IL1R2: variants seen among roughly 807,000 people sequenced by gnomAD.
The protein encoded by IL1R2 is interleukin 1 receptor type 2.
In IL1R2, 46 loss-of-function variants were observed where a neutral mutation model predicts 39.5. That is an observed-to-expected ratio of 1.16 (90% CI 0.92 to 1.49). The LOEUF (loss-of-function observed/expected upper bound fraction) is 1.49. Ranked by LOEUF, IL1R2 falls within the 40% of genes most tolerant of loss-of-function variation. The pLI, the probability that IL1R2 is intolerant of heterozygous loss-of-function variation, is 0.00. For synonymous variants in IL1R2, 207 were observed against 189.6 expected, an observed-to-expected ratio of 1.09 and a Z score of -0.75; for missense variants, 537 against 502.0, an observed-to-expected ratio of 1.07 and a Z score of -0.67.
intron 1 of IL1R2, among the ~76,000 whole-genome samples, chr2:102,008,064 T>A (rs1239346742): frequency 6.6e-6 from 1 of 152,162 alleles, no homozygotes; most frequent in South Asian, 2.1e-4. Context: ...TGATGATGAA[T>A]GCCACAGAGA....
chr2:101,997,084 G>C (rs13022757), intron 1 of IL1R2, among the ~76,000 whole-genome samples: 86,753 of 151,998 alleles, frequency 0.57, 25,213 homozygotes, highest in East Asian at 0.78. Context: ...CCCAGGGAGT[G>C]GTGGGCAGCT....
intron 1 of IL1R2, among the ~76,000 whole-genome samples, chr2:102,003,816 T>C (rs193049020): frequency 1.5e-4 from 6 of 40,544 alleles, no homozygotes; most frequent in East Asian, 6.8e-4. Context: ...CTGTGCTGTG[T>C]CTGTGTCTGT....
intron 1 of IL1R2, among the ~76,000 whole-genome samples, chr2:102,003,553 G>T (rs372368561): frequency 2.1e-4 from 19 of 89,644 alleles, no homozygotes; most frequent in South Asian, 1.0e-3. Context: ...TGTGGCTGTG[G>T]CTGTGTCTGT....
At chr2:102,003,700 A>G (rs1676066980) in intron 1 of IL1R2, among the ~76,000 whole-genome samples, 1 of 135,474 alleles carries the variant, frequency 7.4e-6, no homozygotes, top group African/African-American at 2.8e-5. Context: ...GTCTAGGCCT[A>G]TGTCTATGTC....
Position 102,020,792 on chromosome 2 carries a change from C to G in IL1R2, c.688+980C>G, listed in dbSNP as rs200381224. 2.6e-5 allele frequency among the ~76,000 whole-genome samples: 4 copies of G among 152,290 alleles called. No homozygotes were observed. In the East Asian group the frequency reaches 7.7e-4, roughly 29 times the overall value. ...GTCTCTGCGATACTGTGCATGAACA[C>G]TAGGGGGCAGCCGCCCTACATGCCT... On this transcript the variant is annotated intron_variant, in intron 5 of 8. Coordinates refer to ENST00000332549, the MANE Select transcript of IL1R2 (RefSeq NM_004633.4).
intron 3 of IL1R2, among the ~76,000 whole-genome samples, chr2:102,013,524 C>CAAAAAAAAAA (rs771727938): frequency 1.1e-3 from 6 of 5,692 alleles, no homozygotes; most frequent in African/African-American, 1.3e-3. Context: ...TCTATCACTG[C>CAAAAAAAAAA]AAAAAAAAAA....
intron 5 of IL1R2, among the ~76,000 whole-genome samples, chr2:102,021,742 T>C (rs1317361016): frequency 1.3e-5 from 2 of 152,238 alleles, no homozygotes; most frequent in East Asian, 3.8e-4. Context: ...CAAATAGGTG[T>C]TTCTTGAGCC....
At chr2:102,017,735 C>T (rs931712049) in intron 4 of IL1R2, among the ~76,000 whole-genome samples, 3 of 149,532 alleles carry the variant, frequency 2.0e-5, no homozygotes, top group Non-Finnish European at 3.0e-5. Context: ...TTAAGTTTCA[C>T]TGGACACAGC....
intron 4 of IL1R2, among the ~76,000 whole-genome samples, chr2:102,017,398 GAAAAAA>G (rs56358561): frequency 8.8e-6 from 1 of 113,366 alleles, no homozygotes; most frequent in East Asian, 2.5e-4. Flanking sequence ...CTCCATCTCA[GAAAAAA>G]AAAAAAAAAA....
intron 5 of IL1R2, among the ~76,000 whole-genome samples, chr2:102,020,847 G>A (rs1677337256): frequency 6.6e-6 from 1 of 152,214 alleles, no homozygotes; most frequent in Non-Finnish European, 1.5e-5. Context: ...CAGGATCTCA[G>A]TGGCTCTCAA....
At chr2:102,021,812 TGGA>T (rs2150457242) in intron 5 of IL1R2, among the ~76,000 whole-genome samples, 1 of 152,170 alleles carries the variant, frequency 6.6e-6, no homozygotes, top group African/African-American at 2.4e-5. Flanking sequence ...TTTGGAGAGG[TGGA>T]GAAGGTATTT....
At chr2:102,001,025 C>T (rs886758984) in intron 1 of IL1R2, among the ~76,000 whole-genome samples, 3 of 152,118 alleles carry the variant, frequency 2.0e-5, no homozygotes, top group Admixed American at 6.5e-5. Flanking sequence ...CTGTTCCAGG[C>T]TAGAGGAGTG....
intron 1 of IL1R2, among the ~76,000 whole-genome samples, chr2:101,997,477 G>A (rs1023061304): frequency 6.6e-6 from 1 of 152,208 alleles, no homozygotes; most frequent in East Asian, 1.9e-4. Flanking sequence ...GGAGAGCTCA[G>A]GGCCTTGGGG....
At chr2:102,021,942 C>A in intron 5 of IL1R2, 1 of 493,432 alleles carries the variant, frequency 2.0e-6, no homozygotes, top group Non-Finnish European at 3.7e-6. Context: ...GACTGAAGAC[C>A]TCCTGTCAGC....
At chr2:101,992,504 GAGAC>G (rs1237311532) in intron 1 of IL1R2, among the ~76,000 whole-genome samples, 5 of 151,522 alleles carry the variant, frequency 3.3e-5, no homozygotes, top group African/African-American at 9.7e-5. Flanking sequence ...GAGATGGAGA[GAGAC>G]AGAGAGAGGC....
chr2:102,011,980 G>T lies in IL1R2; in HGVS notation c.332+2154G>T, dbSNP rs3218871. Reference sequence around the variant, plus strand: ...TGCATGTGGATATCCATTTTCTCCAGTACTATTTGCTGAAAAGACTGTCCT... The same window carrying T: ...TGCATGTGGATATCCATTTTCTCCATTACTATTTGCTGAAAAGACTGTCCT... On this transcript the variant is annotated intron_variant, in intron 3 of 8. Transcript: ENST00000332549. Among the ~76,000 whole-genome samples the T allele has an allele frequency of 7.4e-3, 1,127 of 152,298 alleles. 16 individuals are homozygous for T. Among genetic ancestry groups the T allele is most frequent in the African/African-American group, 0.026 (1,079 of 41,552 alleles).
chr2:102,022,013 A>G (rs1677430242), intron 5 of IL1R2, 174 bp from the exon 6 acceptor site: 2 of 614,124 alleles, frequency 3.3e-6, no homozygotes, highest in Non-Finnish European at 5.9e-6. Context: ...GTCATTGGCC[A>G]AGGATGCTCG....
At chr2:101,993,401 C>T (rs1401346805) in intron 1 of IL1R2, among the ~76,000 whole-genome samples, 1 of 152,050 alleles carries the variant, frequency 6.6e-6, no homozygotes, top group East Asian at 1.9e-4. Flanking sequence ...ATCAAGCACT[C>T]AGGACTTAAG....
intron 6 of IL1R2, among the ~76,000 whole-genome samples, chr2:102,023,176 C>T (rs753386002): frequency 6.6e-6 from 1 of 152,174 alleles, no homozygotes; most frequent in Non-Finnish European, 1.5e-5. Context: ...TTGCTTTTTC[C>T]TTTTGTTTAG....
Sources: allele counts gnomAD v4.1 joint callset (sites outside exome capture counted in the v4.1 genomes callset), GRCh38; gene constraint gnomAD v4.1.1; transcripts MANE v1.5; gene names NCBI Gene and HGNC (gene_info 2026-07-23, HGNC 2026-07-21).